The following HTRA1 variants were observed in gnomAD, a reference collection of about 807,000 sequenced individuals.
HTRA1 encodes the protein serine protease HTRA1.
A neutral mutation model predicts 49.7 loss-of-function variants in HTRA1; 26 were observed. That is an observed-to-expected ratio of 0.52 (90% confidence interval 0.38 to 0.73). The LOEUF is 0.73. Ranked by LOEUF, HTRA1 falls within the 30% of genes least tolerant of loss-of-function variation. The probability of loss-of-function intolerance (pLI) is 0.00; values close to 1 mark genes in which losing one functional copy is unlikely to be tolerated. For missense variants in HTRA1, 561 were observed against 667.2 expected (o/e 0.84, Z 1.75); for synonymous variants, 291 against 286.9 (o/e 1.01, Z -0.14).
intron 1 of HTRA1, among the ~76,000 whole-genome samples, chr10:122,486,088 T>C (rs2097492985): frequency 3.9e-5 from 6 of 152,166 alleles, no homozygotes; most frequent in Admixed American, 3.9e-4. Context: ...AGCAGATCTG[T>C]AGGAGGCCAG....
chr10:122,480,156 G>A (rs534985858), intron 1 of HTRA1, among the ~76,000 whole-genome samples: 1 of 152,340 alleles, frequency 6.6e-6, no homozygotes, highest in East Asian at 1.9e-4. Context: ...GGACATTCAT[G>A]ATCTGAAGTC....
Position 122,488,970 on chromosome 10 carries a change from C to T in HTRA1, c.541C>T (p.Pro181Ser). The T allele has an allele frequency of 1.2e-6, 2 of 1,614,014 alleles. No homozygotes were observed. The highest frequency in any genetic ancestry group is 2.2e-5 in the East Asian group (1 of 44,872). ...FIADVVEKIA[P>S]AVVHIELFRK... The stretch of plus-strand genomic sequence containing the variant: ...CGCGGACGTGGTGGAGAAGATCGCC[C>T]CTGCCGTGGTTCATATCGAATTGTT... Residue 181 changes from proline (P) to serine (S), a missense_variant, in exon 2 of 9, where the codon CCT becomes TCT. Pro to Ser is a moderately conservative substitution (Grantham distance 74). Around this residue, in one of 3 missense-constraint regions of HTRA1, gnomAD observed 271 missense variants for 410.0 expected, o/e 0.66. Transcript: ENST00000368984.
rs2097497649 is a variant in HTRA1, at chr10:122,494,544, C to T, written c.777+4918C>T. Reference sequence around the variant, plus strand: ...AGCGCTGGTGAAACAGTGAGCTTTCCCGTGGGTGCTTTTCCCTGACGCCAA... The same window carrying T: ...AGCGCTGGTGAAACAGTGAGCTTTCTCGTGGGTGCTTTTCCCTGACGCCAA... On this transcript the variant is annotated intron_variant, in intron 3 of 8. Coordinates refer to ENST00000368984, the MANE Select transcript of HTRA1 (RefSeq NM_002775.5). The surrounding 1 kb of genome is among the most constrained non-coding windows in gnomAD (Gnocchi z 4.0). Among the ~76,000 whole-genome samples, 1 of 152,144 alleles carries T rather than the reference C, an allele frequency of 6.6e-6. No individual in the cohort carries two copies.
At chr10:122,486,739 CGTGTGT>C (rs34013554) in intron 1 of HTRA1, among the ~76,000 whole-genome samples, 1 of 149,970 alleles carries the variant, frequency 6.7e-6, no homozygotes. Flanking sequence ...ATGAGAGAGG[CGTGTGT>C]GTGTGTGTGT....
rs2097482728 is a variant in HTRA1 at position 122,464,028 on chromosome 10, C to G, written c.472+1904C>G. On this transcript the variant is annotated intron_variant, in intron 1 of 8. Coordinates refer to ENST00000368984, the MANE Select transcript of HTRA1 (RefSeq NM_002775.5). The surrounding 1 kb of genome is among the most constrained non-coding windows in gnomAD (Gnocchi z 4.8). Reference sequence around the variant, plus strand: ...CAGATGTTCTTGAACTGGAGCAACTCAAAGCCTAGTGTAGTGTAGGGCTGA... The same window carrying G: ...CAGATGTTCTTGAACTGGAGCAACTGAAAGCCTAGTGTAGTGTAGGGCTGA... Among the ~76,000 whole-genome samples, 1 of 152,168 alleles carries G rather than the reference C, an allele frequency of 6.6e-6. No individual in the cohort carries two copies. The highest frequency in any genetic ancestry group is 2.1e-4 in the South Asian group (1 of 4,824).
chr10:122,475,797 C>T (rs1353614427), intron 1 of HTRA1, among the ~76,000 whole-genome samples: 2 of 152,214 alleles, frequency 1.3e-5, no homozygotes, highest in East Asian at 1.9e-4. Context: ...CCAGCAGCAG[C>T]GATTAGAATG....
chr10:122,499,501 G>A (rs914457759), intron 3 of HTRA1, among the ~76,000 whole-genome samples: 2 of 152,118 alleles, frequency 1.3e-5, no homozygotes, highest in African/African-American at 4.8e-5. Flanking sequence ...CTGCCCCCTA[G>A]TAGCTCAAGT....
intron 2 of HTRA1, 54 bp downstream of exon 2, chr10:122,489,055 C>G: frequency 8.1e-7 from 1 of 1,240,500 alleles, no homozygotes; most frequent in Non-Finnish European, 1.2e-6. Context: ...CCGCCACTAG[C>G]AAAACATGAG....
chr10:122,484,248 T>G (rs1227702582), intron 1 of HTRA1, among the ~76,000 whole-genome samples: 1 of 152,232 alleles, frequency 6.6e-6, no homozygotes, highest in Non-Finnish European at 1.5e-5. Context: ...TTACTTGGCC[T>G]TCTTCAGGTT....
intron 5 of HTRA1, 22 bp downstream of exon 5, chr10:122,507,424 T>A: frequency 6.3e-7 from 1 of 1,580,684 alleles, no homozygotes; most frequent in Non-Finnish European, 8.7e-7. Flanking sequence ...TAAACCTATG[T>A]TAGGTCATTT....
intron 1 of HTRA1, among the ~76,000 whole-genome samples, chr10:122,466,463 G>A (rs550228391): frequency 1.4e-4 from 21 of 152,284 alleles, no homozygotes; most frequent in African/African-American, 4.8e-4. Flanking sequence ...CACTGCACCC[G>A]TGCCAAAATG....
chr10:122,507,994 A>G (rs530451528), intron 5 of HTRA1, among the ~76,000 whole-genome samples: 84 of 150,412 alleles, frequency 5.6e-4, no homozygotes, highest in African/African-American at 2.1e-3. Context: ...CTCTGGGGCC[A>G]TTTATAGAGG....
At chr10:122,496,671 TGA>T (rs1206942696) in intron 3 of HTRA1, among the ~76,000 whole-genome samples, 2 of 152,070 alleles carry the variant, frequency 1.3e-5, no homozygotes, top group East Asian at 3.9e-4. Context: ...GAATCTTATC[TGA>T]GGGGGTGACA....
In HTRA1 at chr10:122,464,062, T is replaced by C. The variant is rs2097482734; in HGVS notation, c.472+1938T>C. 1.3e-5 allele frequency among the ~76,000 whole-genome samples: 2 copies of C among 152,128 alleles called. No homozygotes were observed. Among genetic ancestry groups the C allele is most frequent in the South Asian group, 4.1e-4 (2 of 4,824 alleles). On this transcript the variant is annotated intron_variant, in intron 1 of 8. Coordinates refer to ENST00000368984, the MANE Select transcript of HTRA1 (RefSeq NM_002775.5). This position sits in a 1 kb window ranked among gnomAD's most constrained non-coding sequence, Gnocchi z 4.8. ...GTGTAGTGTAGGGCTGACCTAGCAGTGGAGTGCGGAATGCATCCAGGGTGG... is the reference window on the plus strand; with the variant it reads ...GTGTAGTGTAGGGCTGACCTAGCAGCGGAGTGCGGAATGCATCCAGGGTGG...
At chr10:122,508,623 G>T in intron 5 of HTRA1, 33 bp from the exon 6 acceptor site, 1 of 1,360,504 alleles carries the variant, frequency 7.4e-7, no homozygotes, top group Non-Finnish European at 1.1e-6. Flanking sequence ...AAAGCTTCAC[G>T]ATTCAGTAAG....
At chr10:122,514,163 T>C (rs763297589) in intron 8 of HTRA1, 28 bp from the exon 9 acceptor site, 2 of 1,609,294 alleles carry the variant, frequency 1.2e-6, no homozygotes, top group South Asian at 1.1e-5. Context: ...CACGAAACAT[T>C]GCCATTGTGT....
In HTRA1 at chr10:122,464,058, G is replaced by A. The variant is rs1277191671; in HGVS notation, c.472+1934G>A. ...CCTAGTGTAGTGTAGGGCTGACCTA[G>A]CAGTGGAGTGCGGAATGCATCCAGG... On this transcript the variant is annotated intron_variant, in intron 1 of 8. Coordinates refer to ENST00000368984, the MANE Select transcript of HTRA1 (RefSeq NM_002775.5). The surrounding 1 kb of genome is among the most constrained non-coding windows in gnomAD (Gnocchi z 4.8). Among the ~76,000 whole-genome samples, 1 of 152,164 alleles carries A rather than the reference G, an allele frequency of 6.6e-6. No homozygotes were observed. The highest frequency in any genetic ancestry group is 1.9e-4 in the East Asian group (1 of 5,192).
At chr10:122,507,261 A>C (rs2097503451) in intron 4 of HTRA1, 109 bp from the exon 5 acceptor site, 1 of 868,072 alleles carries the variant, frequency 1.2e-6, no homozygotes, top group Non-Finnish European at 2.0e-6. Flanking sequence ...TCAGAGAAGA[A>C]TCGTGCCCCC....
At chr10:122,488,098 G>A (rs550421336) in intron 1 of HTRA1, among the ~76,000 whole-genome samples, 2 of 152,246 alleles carry the variant, frequency 1.3e-5, no homozygotes, top group South Asian at 2.1e-4. Context: ...GATAGGAGCT[G>A]CCCCTTTGCC....
Sources: allele counts gnomAD v4.1 joint callset (sites outside exome capture counted in the v4.1 genomes callset), GRCh38; gene constraint gnomAD v4.1.1; regional missense constraint gnomAD v4.1.1; non-coding constraint Gnocchi (gnomAD v3.1); transcripts MANE v1.5; gene names NCBI Gene and HGNC (gene_info 2026-07-23, HGNC 2026-07-21).